ERC2: variants seen among roughly 807,000 people sequenced by gnomAD.
ERC2 encodes the protein ELKS/RAB6-interacting/CAST family member 2.
ERC2 carries 42 observed loss-of-function variants against 114.8 expected under a neutral mutation model. The observed-to-expected ratio is 0.37, with a 90% confidence interval of 0.29 to 0.47. ERC2 has a LOEUF of 0.47. ERC2 is among the 20% of genes least tolerant of loss of function. The pLI, the probability that ERC2 is intolerant of heterozygous loss-of-function variation, is 0.99. For synonymous variants in ERC2, 454 were observed against 425.5 expected (o/e 1.07, Z -0.82); for missense variants, 939 against 1,150.7 (o/e 0.82, Z 2.66).
rs910333718 is a variant in ERC2 at position 55,916,320 on chromosome 3, T to C, written c.2404-27771A>G. 4.6e-5 allele frequency among the ~76,000 whole-genome samples: 7 copies of C among 152,294 alleles called. 1 individual carries two copies. In the South Asian group the frequency reaches 8.3e-4, roughly 18 times the overall value. On this transcript the variant is annotated intron_variant, in intron 13 of 17. Coordinates refer to ENST00000288221, the MANE Select transcript of ERC2 (RefSeq NM_015576.3). ...TTACTCTTGGGTTTCCAAATGTTTA[T>C]TGCCTTGCTGACAGATTTTTAGACT...
At chr3:56,003,024 G>T (rs1329916268) in intron 10 of ERC2, 2 of 1,103,042 alleles carry the variant, frequency 1.8e-6, no homozygotes, top group Non-Finnish European at 2.4e-6. Context: ...TCCCCAGTAT[G>T]GCACACCGTG....
intron 14 of ERC2, among the ~76,000 whole-genome samples, chr3:55,797,052 C>A (rs889426911): frequency 6.6e-6 from 1 of 151,986 alleles, no homozygotes; most frequent in African/African-American, 2.4e-5. Context: ...TTAAGATGAA[C>A]AAACTTAAAA....
chr3:56,327,533 G>A (rs564391615), intron 2 of ERC2, among the ~76,000 whole-genome samples: 6 of 152,146 alleles, frequency 3.9e-5, no homozygotes, highest in Non-Finnish European at 8.8e-5. Flanking sequence ...CTACTTAGCT[G>A]GGCATGGTAG....
chr3:55,928,355 T>C (rs527968867), intron 13 of ERC2, among the ~76,000 whole-genome samples: 1 of 152,380 alleles, frequency 6.6e-6, no homozygotes, highest in South Asian at 2.1e-4. Flanking sequence ...CTTTCTCTGA[T>C]GATCAATAAT....
At chr3:56,290,477 T>A (rs956217480) in intron 3 of ERC2, among the ~76,000 whole-genome samples, 1 of 152,328 alleles carries the variant, frequency 6.6e-6, no homozygotes, top group Middle Eastern at 3.4e-3. Flanking sequence ...TAAAATGTTA[T>A]GTTTATATGT....
chr3:55,589,448 C>A (rs1401097990), intron 17 of ERC2, among the ~76,000 whole-genome samples: 1 of 152,090 alleles, frequency 6.6e-6, no homozygotes, highest in Admixed American at 6.5e-5. Flanking sequence ...CATGACTACA[C>A]GGGGAATGTT....
At chr3:56,467,270 A>C (rs887197194) in intron 1 of ERC2, 2 of 152,004 alleles carry the variant, frequency 1.3e-5, no homozygotes, top group Admixed American at 6.5e-5. Flanking sequence ...TCCCCATTCT[A>C]CCCACGTAAG....
chr3:56,057,673 T>C (rs1482010204), intron 7 of ERC2, among the ~76,000 whole-genome samples: 1 of 152,216 alleles, frequency 6.6e-6, no homozygotes, highest in Non-Finnish European at 1.5e-5. Flanking sequence ...TTCATTGTAT[T>C]TCACATGTAT....
chr3:55,892,320 C>G (rs552201012), intron 13 of ERC2, among the ~76,000 whole-genome samples: 4 of 152,148 alleles, frequency 2.6e-5, no homozygotes, highest in Non-Finnish European at 4.4e-5. Context: ...GAGTTTGAGA[C>G]CAGGCTGGGC....
intron 15 of ERC2, among the ~76,000 whole-genome samples, chr3:55,728,689 A>G (rs1214340639): frequency 2.0e-5 from 3 of 152,194 alleles, no homozygotes; most frequent in Non-Finnish European, 4.4e-5. Context: ...CCTGGAGGCC[A>G]GATGTACTTC....
At chr3:55,520,502 T>C (rs773909176) in intron 17 of ERC2, among the ~76,000 whole-genome samples, 4 of 149,378 alleles carry the variant, frequency 2.7e-5, no homozygotes, top group Non-Finnish European at 6.0e-5. Context: ...GAACACATGA[T>C]AGGAAAGGGA....
At chr3:55,557,814 C>A (rs2055725870) in intron 17 of ERC2, among the ~76,000 whole-genome samples, 2 of 152,234 alleles carry the variant, frequency 1.3e-5, no homozygotes, top group Admixed American at 6.5e-5. Flanking sequence ...GTCTGGAACA[C>A]CACCCTTTTA....
chr3:56,113,736 C>T (rs2079083331), intron 6 of ERC2, among the ~76,000 whole-genome samples: 1 of 152,154 alleles, frequency 6.6e-6, no homozygotes, highest in Admixed American at 6.5e-5. Flanking sequence ...AGACTGCCCC[C>T]CACCCTCCCA....
chr3:55,647,875 T>C (rs2060459467), intron 17 of ERC2, among the ~76,000 whole-genome samples: 1 of 152,228 alleles, frequency 6.6e-6, no homozygotes, highest in South Asian at 2.1e-4. Context: ...CTGGCTGTGG[T>C]CCTGCTGCAG....
At chr3:55,654,903 A>G (rs1291651554) in intron 17 of ERC2, among the ~76,000 whole-genome samples, 1 of 152,132 alleles carries the variant, frequency 6.6e-6, no homozygotes, top group Non-Finnish European at 1.5e-5. Flanking sequence ...TGCCCCTTCC[A>G]TGGCCTGCTA....
At chr3:56,191,603 C>T (rs1424625594) in intron 3 of ERC2, among the ~76,000 whole-genome samples, 1 of 152,076 alleles carries the variant, frequency 6.6e-6, no homozygotes, top group Admixed American at 6.6e-5. Context: ...AACAGATGGG[C>T]AGGTAGATGA....
At chr3:55,603,726 C>T (rs1158914142) in intron 17 of ERC2, among the ~76,000 whole-genome samples, 1 of 151,852 alleles carries the variant, frequency 6.6e-6, no homozygotes, top group Non-Finnish European at 1.5e-5. Context: ...GTGTTTCTCC[C>T]TGTCTCATTA....
At chr3:56,012,554 T>A (rs2073029630) in intron 8 of ERC2, among the ~76,000 whole-genome samples, 1 of 152,112 alleles carries the variant, frequency 6.6e-6, no homozygotes, top group South Asian at 2.1e-4. Context: ...CAATTAGGGA[T>A]CATCTTGGCT....
At chr3:55,916,196 G>A (rs1384858165) in intron 13 of ERC2, among the ~76,000 whole-genome samples, 1 of 152,132 alleles carries the variant, frequency 6.6e-6, no homozygotes, top group Non-Finnish European at 1.5e-5. Flanking sequence ...GGAAGAATGA[G>A]TGTACTTCAC....
Sources: gnomAD v4.1 joint callset for allele counts (sites outside exome capture counted in the v4.1 genomes callset) on GRCh38, gnomAD v4.1.1 for gene constraint, MANE v1.5 for transcripts, NCBI Gene and HGNC (gene_info 2026-07-23, HGNC 2026-07-21) for gene names.